The following MAST4 variants were observed in gnomAD, a reference collection of about 807,000 sequenced individuals.
The protein encoded by MAST4 is microtubule associated serine/threonine kinase family member 4.
A neutral mutation model predicts 162.7 loss-of-function variants in MAST4; 89 were observed. The observed-to-expected ratio is 0.55, with a 90% CI of 0.46 to 0.65. The LOEUF (loss-of-function observed/expected upper bound fraction) is 0.65. Ranked by LOEUF, MAST4 falls within the 30% of genes least tolerant of loss-of-function variation. MAST4 has a pLI of 0.00. For missense variants in MAST4, 3,153 were observed against 3,374.0 expected, an observed-to-expected ratio of 0.93 and a Z score of 1.62; for synonymous variants, 1,479 against 1,361.1, an observed-to-expected ratio of 1.09 and a Z score of -1.91.
At chr5:66,642,032 C>G (rs1482482263) in intron 1 of MAST4, among the ~76,000 whole-genome samples, 1 of 152,040 alleles carries the variant, frequency 6.6e-6, no homozygotes, top group Non-Finnish European at 1.5e-5. Context: ...TTTGCACACC[C>G]TAATAAAATA....
At chr5:67,142,825 A>G in intron 21 of MAST4, 1 of 265,610 alleles carries the variant, frequency 3.8e-6, no homozygotes, top group Non-Finnish European at 7.1e-6. Context: ...CCCCGGCACC[A>G]ATATATTTCT....
At chr5:66,741,731 T>A (rs910712255) in intron 1 of MAST4, among the ~76,000 whole-genome samples, 11 of 152,244 alleles carry the variant, frequency 7.2e-5, no homozygotes, top group Non-Finnish European at 1.3e-4. Flanking sequence ...AAGAACCCCA[T>A]AGCCCTGGTG....
chr5:66,687,048 T>G (rs1748704343), intron 1 of MAST4, among the ~76,000 whole-genome samples: 1 of 152,204 alleles, frequency 6.6e-6, no homozygotes, highest in South Asian at 2.1e-4. Context: ...ACTAGTTGTT[T>G]GATTTTGTAG....
chr5:66,823,165 C>G (rs1757076159), intron 3 of MAST4, among the ~76,000 whole-genome samples: 1 of 152,142 alleles, frequency 6.6e-6, no homozygotes, highest in Admixed American at 6.5e-5. Flanking sequence ...TCCCCTTTAC[C>G]TTCTGCCGTG....
At chr5:66,597,868 A>G (rs908682433) in intron 1 of MAST4, among the ~76,000 whole-genome samples, 3 of 151,928 alleles carry the variant, frequency 2.0e-5, no homozygotes, top group African/African-American at 7.3e-5. Context: ...GAAGTGTACA[A>G]TTCTTCACGT....
chr5:66,708,306 T>A (rs1750271405), intron 1 of MAST4, among the ~76,000 whole-genome samples: 1 of 152,202 alleles, frequency 6.6e-6, no homozygotes, highest in Admixed American at 6.5e-5. Flanking sequence ...GTTTCTTGAC[T>A]AGTCACATGA....
chr5:66,673,775 A>G (rs545329410), intron 1 of MAST4, among the ~76,000 whole-genome samples: 1 of 152,164 alleles, frequency 6.6e-6, no homozygotes, highest in African/African-American at 2.4e-5. Context: ...GGCGTGAGCC[A>G]CTGCACCTTG....
At chr5:66,948,853 G>A (rs1189852003) in intron 4 of MAST4, among the ~76,000 whole-genome samples, 1 of 152,104 alleles carries the variant, frequency 6.6e-6, no homozygotes, top group Non-Finnish European at 1.5e-5. Context: ...CCCACTCTGT[G>A]TGCGAGCATG....
At chr5:67,090,947 T>G (rs1465329912) in intron 6 of MAST4, among the ~76,000 whole-genome samples, 2 of 152,046 alleles carry the variant, frequency 1.3e-5, no homozygotes, top group Non-Finnish European at 2.9e-5. Flanking sequence ...ATGCATAGCT[T>G]GTCCTCCTCT....
intron 4 of MAST4, chr5:66,986,405 G>A (rs201114887): frequency 9.4e-4 from 1,211 of 1,290,852 alleles, no homozygotes; most frequent in Admixed American, 1.9e-3. Context: ...CTGTAAATGT[G>A]CATCATATCA....
chr5:66,926,516 C>A (rs1213304407), intron 4 of MAST4, among the ~76,000 whole-genome samples: 1 of 152,012 alleles, frequency 6.6e-6, no homozygotes, highest in Admixed American at 6.6e-5. Context: ...CACTGCAGGC[C>A]AGCCTGGGTG....
rs1387454371 is a variant in MAST4, at chr5:66,749,072, A to C, written c.364-10637A>C. On this transcript the variant is annotated intron_variant, in intron 1 of 28. Coordinates refer to ENST00000403625, the MANE Select transcript of MAST4 (RefSeq NM_001164664.2). The stretch of plus-strand genomic sequence containing the variant: ...AGGTGTCACTCAGGAGGGCCAGTTA[A>C]ATAGAGCTGCTGCAGGTTGTAGCAG... 2.0e-5 allele frequency among the ~76,000 whole-genome samples: 3 copies of C among 152,202 alleles called. No homozygotes were observed. The East Asian group carries it at 5.8e-4, about 29-fold the overall frequency.
intron 5 of MAST4, among the ~76,000 whole-genome samples, chr5:67,086,563 C>T (rs567402871): frequency 6.6e-6 from 1 of 152,162 alleles, no homozygotes; most frequent in Non-Finnish European, 1.5e-5. Context: ...GTTTACTTTA[C>T]CAGGTCAGAA....
At chr5:66,870,919 G>A in intron 3 of MAST4, 1 of 463,950 alleles carries the variant, frequency 2.2e-6, no homozygotes, top group Non-Finnish European at 4.5e-6. Context: ...CGGTAAACAG[G>A]GTGTGGGGTT....
chr5:67,022,152 T>TCTC (rs1328417109), intron 4 of MAST4, among the ~76,000 whole-genome samples: 1 of 152,210 alleles, frequency 6.6e-6, no homozygotes, highest in East Asian at 1.9e-4. Context: ...AGACACTTAA[T>TCTC]AAAGGTTTAT....
intron 3 of MAST4, among the ~76,000 whole-genome samples, chr5:66,880,414 C>G (rs1418734749): frequency 6.6e-6 from 1 of 152,178 alleles, no homozygotes; most frequent in East Asian, 1.9e-4. Flanking sequence ...ACTTTATAGA[C>G]TGTGGTAATA....
chr5:66,861,826 T>G (rs1760139326), intron 3 of MAST4, among the ~76,000 whole-genome samples: 1 of 152,188 alleles, frequency 6.6e-6, no homozygotes, highest in East Asian at 1.9e-4. Flanking sequence ...GAATTTATAG[T>G]GATTACACCC....
intron 1 of MAST4, among the ~76,000 whole-genome samples, chr5:66,747,459 T>C (rs960835438): frequency 4.6e-5 from 7 of 152,178 alleles, no homozygotes; most frequent in African/African-American, 1.7e-4. Flanking sequence ...ATGCATTCTT[T>C]CTTAAAAAAT....
chr5:66,907,016 T>G (rs1174680190), intron 4 of MAST4, among the ~76,000 whole-genome samples: 1 of 152,126 alleles, frequency 6.6e-6, no homozygotes, highest in Non-Finnish European at 1.5e-5. Context: ...ATAGTAGATG[T>G]ATTTGTTGGA....
Sources: gnomAD v4.1 joint callset for allele counts (sites outside exome capture counted in the v4.1 genomes callset) on GRCh38, gnomAD v4.1.1 for gene constraint, MANE v1.5 for transcripts, NCBI Gene and HGNC (gene_info 2026-07-23, HGNC 2026-07-21) for gene names.